Variants in TAF4B observed in about 807,000 individuals in gnomAD.
TAF4B encodes TATA-box binding protein associated factor 4b.
In TAF4B, 38 loss-of-function variants were observed where a neutral mutation model predicts 86.4. The observed-to-expected ratio is 0.44, with a 90% CI of 0.34 to 0.58. The LOEUF is 0.58. Among genes scored for constraint, TAF4B ranks in the 20% least tolerant of loss-of-function variants. The pLI is 0.02. For synonymous variants in TAF4B, 388 were observed against 391.2 expected, an observed-to-expected ratio of 0.99 and a Z score of 0.10; for missense variants, 988 against 1,027.6, an observed-to-expected ratio of 0.96 and a Z score of 0.53.
rs761664199 is a variant in TAF4B at position 26,389,868 on chromosome 18, T to A, written c.2445T>A (p.Ala815=). 6.2e-7 allele frequency: 1 copy of A among 1,613,492 alleles called. No homozygotes were observed. The highest frequency in any genetic ancestry group is 8.5e-7 in the Non-Finnish European group (1 of 1,179,828). Residue 815 remains alanine, a synonymous_variant, in exon 15 of 15, where the codon GCT becomes GCA. Transcript: ENST00000269142. ...GIEGLKDNLL[A]SGTSSLTATK... Reference sequence around the variant, plus strand: ...AGGGCTTAAAAGACAACCTTCTTGCTTCTGGGACATCCAGCCTGACAGCCA... The same window carrying A: ...AGGGCTTAAAAGACAACCTTCTTGCATCTGGGACATCCAGCCTGACAGCCA...
intron 1 of TAF4B, among the ~76,000 whole-genome samples, chr18:26,235,003 T>G (rs2055727825): frequency 6.6e-6 from 1 of 152,226 alleles, no homozygotes; most frequent in South Asian, 2.1e-4. Flanking sequence ...CTTTTACTAC[T>G]ACATCAATTT....
chr18:26,281,799 C>T (rs1373081505), intron 5 of TAF4B, among the ~76,000 whole-genome samples, 172 bp from the exon 6 acceptor site: 1 of 152,150 alleles, frequency 6.6e-6, no homozygotes, highest in Non-Finnish European at 1.5e-5. Context: ...GAATAAACAT[C>T]TCTATCATTT....
chr18:26,327,422 G>A (rs1006463455), intron 12 of TAF4B, among the ~76,000 whole-genome samples: 3 of 152,054 alleles, frequency 2.0e-5, no homozygotes, highest in Non-Finnish European at 4.4e-5. Flanking sequence ...GGTCTTTTTA[G>A]GAATCCAATT....
At chr18:26,265,146 C>CTT in intron 1 of TAF4B, 24 bp from the exon 2 acceptor site, 3 of 1,599,150 alleles carry the variant, frequency 1.9e-6, no homozygotes, top group Admixed American at 1.8e-5. Context: ...TCAGAGGTCA[C>CTT]TTTTTTTTCT....
chr18:26,241,500 G>A (rs145761677), intron 1 of TAF4B, among the ~76,000 whole-genome samples: 2,222 of 151,922 alleles, frequency 0.015, 42 homozygotes, highest in African/African-American at 0.051. Context: ...TCTTGCTAGC[G>A]GACTATTAAT....
chr18:26,305,645 G>A (rs1457600491), intron 9 of TAF4B, among the ~76,000 whole-genome samples: 1 of 152,170 alleles, frequency 6.6e-6, no homozygotes, highest in Admixed American at 6.5e-5. Context: ...GACCTCAGGT[G>A]ATCCACCTGC....
chr18:26,275,009 C>G lies in TAF4B; in HGVS notation c.838C>G (p.Pro280Ala). 4 of 1,611,824 alleles carry G rather than the reference C, an allele frequency of 2.5e-6. No homozygotes were observed. Among genetic ancestry groups the G allele is most frequent in the Non-Finnish European group, 3.4e-6 (4 of 1,179,748 alleles). The part of the protein sequence containing the change: ...IKLACSGSQS[P>A]EMGQNVKKLV... ...ACTAGCATGTAGTGGATCACAGTCC[C>G]CAGAAATGGGGCAAAATGTGAAGAA... Residue 280 changes from proline (P) to alanine (A), a missense_variant, in exon 5 of 15, where the codon CCA becomes GCA. Physicochemically the swap from Pro to Ala is conservative, Grantham distance 27. Coordinates refer to ENST00000269142, the MANE Select transcript of TAF4B (RefSeq NM_005640.3).
chr18:26,314,318 G>T (rs2056880587), intron 9 of TAF4B, among the ~76,000 whole-genome samples: 1 of 152,140 alleles, frequency 6.6e-6, no homozygotes, highest in Non-Finnish European at 1.5e-5. Flanking sequence ...GGGAATTTTA[G>T]TATTTCTTTC....
intron 14 of TAF4B, among the ~76,000 whole-genome samples, chr18:26,365,139 T>C (rs930564541): frequency 6.6e-6 from 1 of 151,778 alleles, no homozygotes; most frequent in Non-Finnish European, 1.5e-5. Context: ...CCCAGGTAGC[T>C]GGAACTACAG....
At chr18:26,307,152 TAAG>T (rs2056803726) in intron 9 of TAF4B, among the ~76,000 whole-genome samples, 2 of 152,194 alleles carry the variant, frequency 1.3e-5, no homozygotes, top group Admixed American at 6.6e-5. Flanking sequence ...TTTTGTTAAA[TAAG>T]AAGAAATAGT....
At position 26,266,346 on chromosome 18, in the gene TAF4B, A is replaced by T. The variant is rs1598740053; in HGVS notation, c.489+1031A>T. 6 of 151,620 alleles carry T rather than the reference A, an allele frequency of 4.0e-5. 1 individual carries two copies. The highest frequency in any genetic ancestry group is 1.5e-4 in the African/African-American group (6 of 41,346). 9.4% of individuals were successfully genotyped at this position (151,620 alleles called of 1,614,324 possible). A position where few individuals can be genotyped will look rare whatever the true frequency, so the allele number is the denominator to read the frequency against. Reference sequence around the variant, plus strand: ...AGGCTGGTCTCGAACTCTTGACCTCAGGTGATCCGCCCACCTTGGCCTCCC... The same window carrying T: ...AGGCTGGTCTCGAACTCTTGACCTCTGGTGATCCGCCCACCTTGGCCTCCC... On this transcript the variant is annotated intron_variant, in intron 2 of 14. Coordinates refer to ENST00000269142, the MANE Select transcript of TAF4B (RefSeq NM_005640.3).
chr18:26,261,172 ATTTTTTTTTTTTTTTT>A (rs71169839), intron 1 of TAF4B, among the ~76,000 whole-genome samples: 2 of 77,104 alleles, frequency 2.6e-5, no homozygotes, highest in Admixed American at 3.2e-4. Flanking sequence ...GAGCACTGTC[ATTTTTTTTTTTTTTTT>A]TTTTTTTTTT....
chr18:26,361,727 A>G (rs2144739452), intron 14 of TAF4B, among the ~76,000 whole-genome samples: 1 of 146,728 alleles, frequency 6.8e-6, no homozygotes, highest in Non-Finnish European at 1.5e-5. Context: ...CCTGAGCAAC[A>G]GAGTGAGACT....
At chr18:26,347,219 C>T in intron 13 of TAF4B, among the ~76,000 whole-genome samples, 1 of 151,676 alleles carries the variant, frequency 6.6e-6, no homozygotes, top group African/African-American at 2.4e-5. Context: ...TGCGCCCGGC[C>T]CAGCCAAGAA....
chr18:26,264,711 T>G (rs1034639395), intron 1 of TAF4B, among the ~76,000 whole-genome samples: 5 of 152,234 alleles, frequency 3.3e-5, no homozygotes, highest in Non-Finnish European at 7.3e-5. Flanking sequence ...TTTCTCAAAT[T>G]TTATCTTTTT....
chr18:26,389,432 A>C (rs537560169), intron 14 of TAF4B, among the ~76,000 whole-genome samples: 2 of 151,044 alleles, frequency 1.3e-5, no homozygotes, highest in African/African-American at 4.8e-5. Context: ...TTTAAAGTCT[A>C]CATTTGATAG....
Position 26,286,082 on chromosome 18 carries a change from G to A in TAF4B, c.1173G>A (p.Val391=). Reference sequence around the variant, plus strand: ...CTGGAGCAACAGCACCCAGAACTGTGTCAGTGCAAACTTTGAACCCACTTG... The same window carrying A: ...CTGGAGCAACAGCACCCAGAACTGTATCAGTGCAAACTTTGAACCCACTTG... ...IVSGATAPRT[V]SVQTLNPLAG... The change falls in exon 7 of 15, where the codon GTG becomes GTA. Residue 391 remains valine (V), a synonymous_variant. Coordinates refer to ENST00000269142, the MANE Select transcript of TAF4B (RefSeq NM_005640.3). The A allele has an allele frequency of 6.2e-7, 1 of 1,614,218 alleles. No homozygotes were observed. The highest frequency in any genetic ancestry group is 8.5e-7 in the Non-Finnish European group (1 of 1,180,030).
In TAF4B at chr18:26,246,026, A is replaced by T. The variant is rs188927632; in HGVS notation, c.343+18750A>T. On this transcript the variant is annotated intron_variant, in intron 1 of 14. Coordinates refer to ENST00000269142, the MANE Select transcript of TAF4B (RefSeq NM_005640.3). The stretch of plus-strand genomic sequence containing the variant: ...TGCTAGAAGTGGAATTGTTGGTTCA[A>T]ATGGTAATATTTCAATCGGCATTGC... Among the ~76,000 whole-genome samples the T allele has an allele frequency of 1.8e-3, 277 of 152,344 alleles. 1 individual carries two copies. The highest frequency in any genetic ancestry group is 6.5e-3 in the African/African-American group (269 of 41,566).
intron 13 of TAF4B, among the ~76,000 whole-genome samples, chr18:26,352,984 C>T (rs750727159): frequency 3.3e-5 from 5 of 152,066 alleles, no homozygotes; most frequent in Admixed American, 3.3e-4. Flanking sequence ...TTAGTAAATT[C>T]TACCAAAGAT....
Sources: allele counts gnomAD v4.1 joint callset (sites outside exome capture counted in the v4.1 genomes callset), GRCh38; gene constraint gnomAD v4.1.1; transcripts MANE v1.5; gene names NCBI Gene and HGNC (gene_info 2026-07-23, HGNC 2026-07-21).